Variants in PTPRD observed in about 807,000 individuals in gnomAD.
The protein encoded by PTPRD is protein tyrosine phosphatase receptor type D, also known as receptor-type tyrosine-protein phosphatase delta.
In PTPRD, 34 loss-of-function variants were observed where a neutral mutation model predicts 214.5. That is an observed-to-expected ratio of 0.16 (90% confidence interval 0.12 to 0.21). The LOEUF (loss-of-function observed/expected upper bound fraction) is 0.21, where lower values mean the gene tolerates loss of function less well. PTPRD is among the 10% of genes least tolerant of loss of function. The pLI is 1.00. For synonymous variants in PTPRD, 1,128 were observed against 845.7 expected (o/e 1.33, Z -5.79); for missense variants, 2,545 against 2,398.7 (o/e 1.06, Z -1.27).
At chr9:10,462,165 C>T (rs1016723753) in intron 2 of PTPRD, among the ~76,000 whole-genome samples, 5 of 151,862 alleles carry the variant, frequency 3.3e-5, no homozygotes, top group Non-Finnish European at 7.4e-5. Flanking sequence ...GCTTTTGTCA[C>T]AAGGGGGCAA....
chr9:8,401,923 T>C (rs987467245), intron 36 of PTPRD, among the ~76,000 whole-genome samples: 2 of 152,190 alleles, frequency 1.3e-5, no homozygotes, highest in African/African-American at 4.8e-5. Flanking sequence ...GTTTTATAAA[T>C]TGTGCATGAA....
intron 9 of PTPRD, among the ~76,000 whole-genome samples, chr9:9,393,898 T>G (rs1272709495): frequency 6.6e-6 from 1 of 152,124 alleles, no homozygotes; most frequent in Non-Finnish European, 1.5e-5. Context: ...ATCACAAATA[T>G]CATAACTATT....
chr9:8,531,830 C>T (rs1411951776), intron 14 of PTPRD, among the ~76,000 whole-genome samples: 4 of 152,064 alleles, frequency 2.6e-5, no homozygotes, highest in Non-Finnish European at 5.9e-5. Context: ...AAGGCTCTTA[C>T]CAAAGAAATC....
chr9:10,533,240 G>C (rs961307382), intron 2 of PTPRD, among the ~76,000 whole-genome samples: 1 of 152,040 alleles, frequency 6.6e-6, no homozygotes, highest in African/African-American at 2.4e-5. Flanking sequence ...CTGGCCACCA[G>C]AATGGTGAGC....
intron 10 of PTPRD, among the ~76,000 whole-genome samples, chr9:9,160,223 G>A (rs148829159): frequency 1.3e-5 from 2 of 152,104 alleles, no homozygotes; most frequent in Non-Finnish European, 2.9e-5. Flanking sequence ...CTTCTGCATA[G>A]CAAAGGAAAT....
intron 2 of PTPRD, among the ~76,000 whole-genome samples, chr9:10,448,520 T>C (rs567551510): frequency 2.6e-5 from 4 of 152,074 alleles, no homozygotes; most frequent in South Asian, 4.1e-4. Context: ...TGAAATATAA[T>C]AGGAAGTGGG....
chr9:9,259,508 G>C (rs1260973458), intron 9 of PTPRD, among the ~76,000 whole-genome samples: 1 of 151,836 alleles, frequency 6.6e-6, no homozygotes, highest in Non-Finnish European at 1.5e-5. Context: ...AAAGCACTTG[G>C]AACACACATT....
chr9:10,520,140 A>C (rs944092718), intron 2 of PTPRD, among the ~76,000 whole-genome samples: 1 of 152,200 alleles, frequency 6.6e-6, no homozygotes, highest in African/African-American at 2.4e-5. Context: ...ACAGCCCAAA[A>C]ACTAGGCCTC....
chr9:8,341,280 G>GAA lies in PTPRD; in HGVS notation c.4948-14_4948-13dup, dbSNP rs367982541. On this transcript the variant is annotated splice_polypyrimidine_tract_variant and intron_variant, in intron 40 of 45. Transcript: ENST00000381196. ...GAGCTGGCTAGACGCTGTTGAATAG[G>GAA]AAAAAAAAAAAAGGAAAAACCCAAC... 3.5e-4 allele frequency: 423 copies of GAA among 1,206,444 alleles called. No homozygotes were observed. The highest frequency in any genetic ancestry group is 6.5e-4 in the South Asian group (41 of 62,746). The allele number at this position is 1,206,444 out of a possible 1,614,324, so 74.7% of individuals were successfully genotyped here.
intron 7 of PTPRD, among the ~76,000 whole-genome samples, chr9:9,623,021 T>C (rs1032578454): frequency 6.6e-6 from 1 of 152,316 alleles, no homozygotes; most frequent in Admixed American, 6.5e-5. Flanking sequence ...TAGAAAATGT[T>C]AGCTTAGGCA....
chr9:9,013,292 C>G (rs1447355334), intron 11 of PTPRD, among the ~76,000 whole-genome samples: 2 of 152,034 alleles, frequency 1.3e-5, no homozygotes, highest in Non-Finnish European at 2.9e-5. Flanking sequence ...AAACCACTCT[C>G]AAGGTGATGG....
chr9:10,526,379 T>G, intron 2 of PTPRD, among the ~76,000 whole-genome samples: 1 of 152,106 alleles, frequency 6.6e-6, no homozygotes, highest in East Asian at 1.9e-4. Flanking sequence ...TTAAGTATAA[T>G]AATTATTTCT....
At chr9:9,610,263 T>C (rs1183051178) in intron 7 of PTPRD, among the ~76,000 whole-genome samples, 1 of 152,162 alleles carries the variant, frequency 6.6e-6, no homozygotes, top group Non-Finnish European at 1.5e-5. Context: ...ATGCAGCCAT[T>C]AAACATATTT....
At chr9:9,211,854 G>T (rs1235197881) in intron 9 of PTPRD, among the ~76,000 whole-genome samples, 2 of 150,984 alleles carry the variant, frequency 1.3e-5, no homozygotes, top group Admixed American at 6.6e-5. Context: ...CAGCCAGGCT[G>T]AGTAACTTAG....
Position 9,749,602 on chromosome 9 carries a change from G to A in PTPRD, c.-325-15031C>T, listed in dbSNP as rs1033487604. On this transcript the variant is annotated intron_variant, in intron 6 of 45. Transcript: ENST00000381196. ...CTCCATAACAAGACAATATTCTATA[G>A]ACAATCCACAGAATGTACACACCAC... Among the ~76,000 whole-genome samples the A allele has an allele frequency of 2.0e-5, 3 of 152,066 alleles. 1 individual carries two copies. The South Asian group carries it at 6.2e-4, about 32-fold the overall frequency.
At chr9:9,805,634 C>A (rs538209865) in intron 5 of PTPRD, among the ~76,000 whole-genome samples, 2 of 152,126 alleles carry the variant, frequency 1.3e-5, no homozygotes, top group African/African-American at 4.8e-5. Flanking sequence ...CACTTTTATG[C>A]CTTTATTATT....
At chr9:9,028,265 T>C (rs1207233189) in intron 10 of PTPRD, among the ~76,000 whole-genome samples, 3 of 151,956 alleles carry the variant, frequency 2.0e-5, no homozygotes, top group Non-Finnish European at 2.9e-5. Context: ...GCTCACTAAA[T>C]TATGTCTTCC....
At position 10,201,958 on chromosome 9, in the gene PTPRD, C is replaced by T. The variant is rs550696229; in HGVS notation, c.-545+139005G>A. On this transcript the variant is annotated intron_variant, in intron 3 of 45. Transcript: ENST00000381196. ...CAAGTTTTCTACACAGATCAGGCCA[C>T]GTCTGAATTATTGTTTTCAATTATT... Among the ~76,000 whole-genome samples, 3 of 151,864 alleles carry T rather than the reference C, an allele frequency of 2.0e-5. No homozygotes were observed. The South Asian group carries it at 6.2e-4, about 32-fold the overall frequency.
At chr9:9,020,037 G>A (rs1484949223) in intron 10 of PTPRD, among the ~76,000 whole-genome samples, 2 of 152,080 alleles carry the variant, frequency 1.3e-5, no homozygotes, top group Admixed American at 1.3e-4. Context: ...GTGCTCTGCA[G>A]ACATGGGAGG....
Sources: allele counts gnomAD v4.1 joint callset (sites outside exome capture counted in the v4.1 genomes callset), GRCh38; gene constraint gnomAD v4.1.1; transcripts MANE v1.5; gene names NCBI Gene and HGNC (gene_info 2026-07-23, HGNC 2026-07-21).